NOA1: variants seen among roughly 807,000 people sequenced by gnomAD.
NOA1 encodes the protein nitric oxide-associated protein 1.
Under a neutral mutation model 58.4 loss-of-function variants are expected in NOA1, and 35 were observed. That is an observed-to-expected ratio of 0.60 (90% CI 0.46 to 0.79). The LOEUF (loss-of-function observed/expected upper bound fraction) is 0.79, where lower values mean the gene tolerates loss of function less well. NOA1 is among the 30% of genes least tolerant of loss of function. The probability of loss-of-function intolerance (pLI) is 0.00; values close to 1 mark genes in which losing one functional copy is unlikely to be tolerated. For missense variants in NOA1, 895 were observed against 894.6 expected, an observed-to-expected ratio of 1.00 and a Z score of -0.01; for synonymous variants, 397 against 373.4, an observed-to-expected ratio of 1.06 and a Z score of -0.73.
chr4:56,977,536 C>G lies in NOA1; in HGVS notation c.50G>C (p.Gly17Ala). Residue 17 changes from glycine to alanine, a missense_variant, in exon 1 of 7, where the codon GGA (glycine) becomes GCA (alanine). Around this residue, in one of 3 missense-constraint regions of NOA1, gnomAD observed 680 missense variants for 656.5 expected, o/e 1.04. Transcript: ENST00000264230. ...PFRLLSLFLR[G>A]SAPTAARHGL... ...ATGGCGCGCTGCCGTGGGAGCGGAT[C>G]CACGAAGGAAAAGGCTCAGCAGCCT... 6.2e-7 allele frequency: 1 copy of G among 1,612,026 alleles called. No individual in the cohort carries two copies. The highest frequency in any genetic ancestry group is 2.2e-5 in the East Asian group (1 of 44,822).
chr4:56,972,553 G>A (rs986237849), intron 3 of NOA1, among the ~76,000 whole-genome samples: 3 of 152,182 alleles, frequency 2.0e-5, no homozygotes, highest in African/African-American at 7.2e-5. Context: ...AATACAAAGA[G>A]AAGGTCAAAG....
At position 56,973,321 on chromosome 4, in the gene NOA1, CT is replaced by C; in HGVS notation, c.1341del (p.Glu448AsnfsTer34). The stretch of plus-strand genomic sequence containing the variant: ...TCAAAGGGAATGTTATCCTTCTGTT[CT>C]TCTGAATACAAGAATGTCCTTCCAA... The part of the protein sequence containing the change: ...GRVGRTFLYS[E>X]EQKDNIPFEF... On this transcript the variant is annotated frameshift_variant, in exon 3 of 7. Coordinates refer to ENST00000264230, the MANE Select transcript of NOA1 (RefSeq NM_032313.4). LOFTEE classifies it high-confidence loss of function. 2 of 1,614,044 alleles carry C rather than the reference CT, an allele frequency of 1.2e-6. No individual in the cohort carries two copies. The highest frequency in any genetic ancestry group is 2.2e-5 in the South Asian group (2 of 91,084).
At position 56,977,540 on chromosome 4, in the gene NOA1, G is replaced by A. The variant is rs1721977718; in HGVS notation, c.46C>T (p.Arg16Cys). Reference sequence around the variant, plus strand: ...CGCGCTGCCGTGGGAGCGGATCCACGAAGGAAAAGGCTCAGCAGCCTGAAC... The same window carrying A: ...CGCGCTGCCGTGGGAGCGGATCCACAAAGGAAAAGGCTCAGCAGCCTGAAC... ...LPFRLLSLFL[R>C]GSAPTAARHG... The change falls in exon 1 of 7, where the codon CGT (arginine) becomes TGT (cysteine). Residue 16 changes from arginine to cysteine, a missense_variant. Arg to Cys is a radical substitution (Grantham distance 180). Around this residue, in one of 3 missense-constraint regions of NOA1, gnomAD observed 680 missense variants for 656.5 expected, o/e 1.04. Coordinates refer to ENST00000264230, the MANE Select transcript of NOA1 (RefSeq NM_032313.4). The A allele has an allele frequency of 6.2e-7, 1 of 1,611,604 alleles. No homozygotes were observed. Among genetic ancestry groups the A allele is most frequent in the Non-Finnish European group, 8.5e-7 (1 of 1,179,148 alleles).
In NOA1 at chr4:56,963,673, T is replaced by C. The variant is rs1721648965; in HGVS notation, c.1886-12A>G. The C allele has an allele frequency of 6.2e-7, 1 of 1,606,576 alleles. No homozygotes were observed. Among genetic ancestry groups the C allele is most frequent in the Non-Finnish European group, 8.5e-7 (1 of 1,173,516 alleles). ...TACTGAAACCCAACCTATGCAGGCA[T>C]GTGACACAACACAAAAGGCTGTTAG... On this transcript the variant is annotated splice_polypyrimidine_tract_variant and intron_variant, in intron 6 of 6. Coordinates refer to ENST00000264230, the MANE Select transcript of NOA1 (RefSeq NM_032313.4).
At chr4:56,973,052 G>A in intron 3 of NOA1, 96 bp downstream of exon 3, 1 of 1,051,728 alleles carries the variant, frequency 9.5e-7, no homozygotes, top group Non-Finnish European at 1.5e-6. Flanking sequence ...CAATTCCCCT[G>A]TCTTGATAAA....
At chr4:56,966,137 C>T (rs1056786516) in intron 5 of NOA1, among the ~76,000 whole-genome samples, 2 of 151,122 alleles carry the variant, frequency 1.3e-5, no homozygotes, top group Non-Finnish European at 2.9e-5. Context: ...AGTGATTCTC[C>T]TGCCTCAGCC....
At chr4:56,970,959 C>T (rs1408883157) in intron 3 of NOA1, among the ~76,000 whole-genome samples, 2 of 152,156 alleles carry the variant, frequency 1.3e-5, no homozygotes, top group Non-Finnish European at 2.9e-5. Flanking sequence ...TCTGACACAA[C>T]TATTTAATAG....
rs1242681004 is a variant in NOA1, at chr4:56,970,858, A to G, written c.1515+2290T>C. Among the ~76,000 whole-genome samples the G allele has an allele frequency of 2.0e-5, 3 of 152,328 alleles. No individual in the cohort carries two copies. The East Asian group carries it at 5.8e-4, about 29-fold the overall frequency. On this transcript the variant is annotated intron_variant, in intron 3 of 6. Transcript: ENST00000264230. ...AATAAGTTTATCTGTAAACTAACAG[A>G]GAAGCAAACTACCAGTGCTGACAGA...
chr4:56,973,682 T>C (rs1721848614), intron 2 of NOA1, among the ~76,000 whole-genome samples, 176 bp downstream of exon 2: 2 of 152,186 alleles, frequency 1.3e-5, no homozygotes, highest in South Asian at 2.1e-4. Flanking sequence ...TTACTACCTG[T>C]ACTGCTCTGG....
chr4:56,968,276 A>G, intron 4 of NOA1, 108 bp downstream of exon 4: 1 of 1,190,886 alleles, frequency 8.4e-7, no homozygotes, highest in Non-Finnish European at 1.2e-6. Context: ...ACCCAATACA[A>G]TCATGGCTTA....
At chr4:56,973,606 G>A (rs915668772) in intron 2 of NOA1, among the ~76,000 whole-genome samples, 2 of 152,102 alleles carry the variant, frequency 1.3e-5, no homozygotes, top group East Asian at 3.9e-4. Flanking sequence ...TTAAAGAAAG[G>A]CTGAAAAGAT....
In NOA1 at chr4:56,965,887, A is replaced by G. The variant is rs187181747; in HGVS notation, c.1764+733T>C. On this transcript the variant is annotated intron_variant, in intron 5 of 6. Coordinates refer to ENST00000264230, the MANE Select transcript of NOA1 (RefSeq NM_032313.4). Reference sequence around the variant, plus strand: ...GGTTTCACTCTGTCACCCAGGCTAGAGTGCAGTGGCATAATCATGGCTCAC... The same window carrying G: ...GGTTTCACTCTGTCACCCAGGCTAGGGTGCAGTGGCATAATCATGGCTCAC... Among the ~76,000 whole-genome samples, 49 of 138,082 alleles carry G rather than the reference A, an allele frequency of 3.5e-4. 1 individual carries two copies. The East Asian group carries it at 9.9e-3, about 28-fold the overall frequency. 90.6% of individuals were successfully genotyped at this position (138,082 alleles called of 152,430 possible).
At chr4:56,963,867 C>G (rs186912843) in intron 6 of NOA1, among the ~76,000 whole-genome samples, 2 of 151,926 alleles carry the variant, frequency 1.3e-5, no homozygotes, top group African/African-American at 4.8e-5. Flanking sequence ...ACTGCCTCGG[C>G]GTCCCGAGAA....
In NOA1 at chr4:56,977,507, G is replaced by T; in HGVS notation, c.79C>A (p.Leu27Ile). ...CTCCTCTCCAGGAGCGGCTCCCGGA[G>T]GCCATGGCGCGCTGCCGTGGGAGCG... ...GSAPTAARHGLREPLLERRCA... is the reference protein window; with the variant it reads ...GSAPTAARHGIREPLLERRCA... Residue 27 changes from leucine to isoleucine, a missense_variant, in exon 1 of 7, where the codon CTC (leucine) becomes ATC (isoleucine). Physicochemically the swap from Leu to Ile is conservative, Grantham distance 5. Around this residue, in one of 3 missense-constraint regions of NOA1, gnomAD observed 680 missense variants for 656.5 expected, o/e 1.04. Transcript: ENST00000264230. 1 of 1,613,528 alleles carries T rather than the reference G, an allele frequency of 6.2e-7. No individual in the cohort carries two copies. Among genetic ancestry groups the T allele is most frequent in the Non-Finnish European group, 8.5e-7 (1 of 1,179,932 alleles).
intron 3 of NOA1, among the ~76,000 whole-genome samples, chr4:56,970,258 T>C (rs1017455584): frequency 2.0e-5 from 3 of 151,850 alleles, no homozygotes; most frequent in Non-Finnish European, 4.4e-5. Flanking sequence ...ATTCCACCAC[T>C]GCACTCCAGC....
chr4:56,973,216 A>T lies in NOA1; in HGVS notation c.1447T>A (p.Leu483Met), dbSNP rs750617552. The change falls in exon 3 of 7, where the codon TTG becomes ATG. Residue 483 changes from leucine (L) to methionine (M), a missense_variant. Around this residue, in one of 3 missense-constraint regions of NOA1, gnomAD observed 680 missense variants for 656.5 expected, o/e 1.04. Coordinates refer to ENST00000264230, the MANE Select transcript of NOA1 (RefSeq NM_032313.4). The part of the protein sequence containing the change: ...GTHKSTKQVE[L>M]TAQDVKDAHW... ...GCATCTTTCACATCTTGTGCAGTCA[A>T]TTCTACTTGTTTGGTGGATTTGTGT... 3 of 1,614,168 alleles carry T rather than the reference A, an allele frequency of 1.9e-6. No individual in the cohort carries two copies. In the East Asian group the frequency reaches 6.7e-5, roughly 36 times the overall value.
chr4:56,967,673 A>T (rs575118111), intron 4 of NOA1, among the ~76,000 whole-genome samples: 1 of 152,276 alleles, frequency 6.6e-6, no homozygotes, highest in South Asian at 2.1e-4. Context: ...AACGAATACC[A>T]AACAAAAACG....
chr4:56,966,370 A>G (rs934576789), intron 5 of NOA1, among the ~76,000 whole-genome samples: 8 of 152,190 alleles, frequency 5.3e-5, no homozygotes, highest in African/African-American at 1.9e-4. Context: ...ACTTAGCCAC[A>G]TGTGGGCTAA....
rs1302776868 is a variant in NOA1, at chr4:56,976,516, G to A, written c.1070C>T (p.Thr357Met). The A allele has an allele frequency of 2.5e-6, 4 of 1,614,118 alleles. No individual in the cohort carries two copies. Among genetic ancestry groups the A allele is most frequent in the Non-Finnish European group, 1.7e-6 (2 of 1,180,048 alleles). ...TNAGKSTLFN[T>M]LLESDYCTAK... ...AGTGCAGTAATCGGACTCCAGGAGC[G>A]TGTTAAAGAGAGTGGATTTGCCGGC... Residue 357 changes from threonine (T) to methionine (M), a missense_variant, in exon 1 of 7, where the codon ACG becomes ATG. By Grantham distance (81) the Thr-to-Met change is moderately conservative. Around this residue, in one of 3 missense-constraint regions of NOA1, gnomAD observed 680 missense variants for 656.5 expected, o/e 1.04. Transcript: ENST00000264230.
Sources: allele counts gnomAD v4.1 joint callset (sites outside exome capture counted in the v4.1 genomes callset), GRCh38; gene constraint gnomAD v4.1.1; regional missense constraint gnomAD v4.1.1; transcripts MANE v1.5; gene names NCBI Gene and HGNC (gene_info 2026-07-23, HGNC 2026-07-21).